Variants in PCDH9 observed in about 807,000 individuals in gnomAD.
The protein encoded by PCDH9 is protocadherin 9.
In PCDH9, 24 loss-of-function variants were observed where a neutral mutation model predicts 70.6. That is an observed-to-expected ratio of 0.34 (90% confidence interval 0.25 to 0.48). PCDH9 has a LOEUF of 0.48. PCDH9 is among the 20% of genes least tolerant of loss of function. PCDH9 has a pLI of 0.99. For synonymous variants in PCDH9, 562 were observed against 558.5 expected (o/e 1.01, Z -0.09); for missense variants, 1,281 against 1,503.6 (o/e 0.85, Z 2.45).
intron 4 of PCDH9, among the ~76,000 whole-genome samples, chr13:66,497,030 T>C (rs1959127858): frequency 6.6e-6 from 1 of 151,988 alleles, no homozygotes; most frequent in Non-Finnish European, 1.5e-5. Flanking sequence ...GTTTCAACAA[T>C]TTTATTTTTG....
At chr13:66,672,061 G>T (rs2078182608) in intron 3 of PCDH9, among the ~76,000 whole-genome samples, 2 of 152,098 alleles carry the variant, frequency 1.3e-5, no homozygotes, top group Admixed American at 6.6e-5. Context: ...TCATGAGCTG[G>T]GTCCAAAGTC....
chr13:67,101,883 A>G (rs538494779), intron 2 of PCDH9, among the ~76,000 whole-genome samples: 1 of 152,302 alleles, frequency 6.6e-6, no homozygotes, highest in East Asian at 1.9e-4. Flanking sequence ...CTGTTATGGA[A>G]TGGAATGGAA....
At chr13:67,220,393 T>C in intron 2 of PCDH9, 1 of 152,160 alleles carries the variant, frequency 6.6e-6, no homozygotes, top group East Asian at 1.9e-4. Context: ...TAGTTAATTA[T>C]GAGAAAATTT....
chr13:66,415,437 T>G (rs988743341), intron 4 of PCDH9, among the ~76,000 whole-genome samples: 1 of 152,146 alleles, frequency 6.6e-6, no homozygotes, highest in Non-Finnish European at 1.5e-5. Flanking sequence ...ATAAATGCCA[T>G]CTCTTCATGG....
intron 2 of PCDH9, among the ~76,000 whole-genome samples, chr13:67,047,357 T>A (rs1428538667): frequency 6.6e-6 from 1 of 152,216 alleles, no homozygotes; most frequent in Non-Finnish European, 1.5e-5. Context: ...GTTTTTCTAA[T>A]AATAGCTTTA....
chr13:67,094,678 TC>T (rs1421559625), intron 2 of PCDH9, among the ~76,000 whole-genome samples: 1 of 150,744 alleles, frequency 6.6e-6, no homozygotes, highest in South Asian at 2.1e-4. Flanking sequence ...TTTTTTTTTT[TC>T]GGTCTTCATA....
At chr13:66,695,071 T>A (rs1426988392) in intron 3 of PCDH9, among the ~76,000 whole-genome samples, 8 of 151,976 alleles carry the variant, frequency 5.3e-5, no homozygotes, top group Non-Finnish European at 1.2e-4. Context: ...GCCCGGCTAA[T>A]TTTTTGTATT....
chr13:66,852,080 C>G (rs1307159611), intron 3 of PCDH9, among the ~76,000 whole-genome samples: 1 of 151,966 alleles, frequency 6.6e-6, no homozygotes, highest in East Asian at 1.9e-4. Context: ...CTCATTTAAC[C>G]TTAATTACTG....
chr13:66,927,003 C>T (rs2082727355), intron 2 of PCDH9, among the ~76,000 whole-genome samples: 1 of 151,994 alleles, frequency 6.6e-6, no homozygotes, highest in African/African-American at 2.4e-5. Context: ...CACTGTTTTT[C>T]TTTGACTCTC....
chr13:66,352,034 C>T (rs1326459422), intron 4 of PCDH9, among the ~76,000 whole-genome samples: 1 of 152,100 alleles, frequency 6.6e-6, no homozygotes, highest in East Asian at 1.9e-4. Flanking sequence ...CAGGGTTTCA[C>T]CATGTTGGTC....
intron 4 of PCDH9, among the ~76,000 whole-genome samples, chr13:66,593,370 A>G (rs1361852776): frequency 6.6e-6 from 1 of 151,770 alleles, no homozygotes; most frequent in East Asian, 1.9e-4. Flanking sequence ...ATTTTTAAAA[A>G]TAAATTCAGG....
At chr13:66,850,511 CA>C (rs1194734924) in intron 3 of PCDH9, among the ~76,000 whole-genome samples, 3 of 95,376 alleles carry the variant, frequency 3.1e-5, no homozygotes, top group Non-Finnish European at 4.4e-5. Flanking sequence ...AACTCTGTCT[CA>C]AAAAAACAGA....
intron 4 of PCDH9, among the ~76,000 whole-genome samples, chr13:66,624,576 G>A (rs1337682374): frequency 6.6e-6 from 1 of 152,184 alleles, no homozygotes; most frequent in African/African-American, 2.4e-5. Flanking sequence ...GAAAAGCACA[G>A]ACATTTGTGG....
intron 3 of PCDH9, among the ~76,000 whole-genome samples, chr13:66,684,441 T>C (rs9599132): frequency 0.77 from 117,866 of 152,118 alleles, 46,023 homozygotes; most frequent in East Asian, 0.92. Flanking sequence ...CCCCATGTGT[T>C]GTAGGAAGAA....
chr13:67,079,075 C>T (rs1044681146), intron 2 of PCDH9, among the ~76,000 whole-genome samples: 3 of 151,572 alleles, frequency 2.0e-5, no homozygotes, highest in South Asian at 2.1e-4. Flanking sequence ...TTTGGGAGGC[C>T]GAGGTGAGCG....
intron 3 of PCDH9, among the ~76,000 whole-genome samples, chr13:66,758,169 AT>A (rs2079566461): frequency 6.6e-6 from 1 of 152,080 alleles, no homozygotes; most frequent in Admixed American, 6.5e-5. Flanking sequence ...AAATCTAGCT[AT>A]TTAACAAGTG....
intron 3 of PCDH9, among the ~76,000 whole-genome samples, chr13:66,684,224 A>C (rs1566504153): frequency 6.6e-6 from 1 of 152,170 alleles, no homozygotes; most frequent in Non-Finnish European, 1.5e-5. Context: ...CAATTAAGAG[A>C]ACTGTATTTA....
At chr13:66,909,072 T>A (rs939510308) in intron 2 of PCDH9, among the ~76,000 whole-genome samples, 1 of 152,076 alleles carries the variant, frequency 6.6e-6, no homozygotes, top group African/African-American at 2.4e-5. Flanking sequence ...TTTTAATTGC[T>A]TTTTTGAGTC....
intron 3 of PCDH9, among the ~76,000 whole-genome samples, chr13:66,638,439 C>A (rs535769977): frequency 9.2e-5 from 14 of 152,032 alleles, no homozygotes; most frequent in Non-Finnish European, 1.9e-4. Context: ...GATCTGTTGC[C>A]AGCCATAAAT....
Sources: allele counts gnomAD v4.1 joint callset (sites outside exome capture counted in the v4.1 genomes callset), GRCh38; gene constraint gnomAD v4.1.1; transcripts MANE v1.5; gene names NCBI Gene and HGNC (gene_info 2026-07-23, HGNC 2026-07-21).